The following CDH18 variants were observed in gnomAD, a reference collection of about 807,000 sequenced individuals.
The protein encoded by CDH18 is cadherin-18.
In CDH18, 31 loss-of-function variants were observed where a neutral mutation model predicts 67.9. The observed-to-expected ratio is 0.46, with a 90% CI of 0.34 to 0.62. The LOEUF is 0.62. CDH18 is among the 20% of genes least tolerant of loss of function. The pLI is 0.01. For synonymous variants in CDH18, 362 were observed against 347.2 expected (o/e 1.04, Z -0.48); for missense variants, 890 against 975.5 (o/e 0.91, Z 1.17).
intron 2 of CDH18, among the ~76,000 whole-genome samples, chr5:20,023,603 T>A (rs1738622756): frequency 6.9e-6 from 1 of 145,940 alleles, no homozygotes. Flanking sequence ...AGTTTGTAGT[T>A]AGCCGAGATC....
At chr5:19,474,180 C>T (rs907913762) in intron 12 of CDH18, among the ~76,000 whole-genome samples, 5 of 151,552 alleles carry the variant, frequency 3.3e-5, no homozygotes, top group Admixed American at 6.6e-5. Flanking sequence ...GGAGCCTTAA[C>T]GTTAAACCCT....
intron 11 of CDH18, among the ~76,000 whole-genome samples, chr5:19,488,267 A>C (rs1740720906): frequency 6.6e-6 from 1 of 152,212 alleles, no homozygotes; most frequent in Non-Finnish European, 1.5e-5. Flanking sequence ...AGAAAATATT[A>C]AAAAGTATGT....
At chr5:20,239,048 A>G (rs1412950126) in intron 2 of CDH18, among the ~76,000 whole-genome samples, 1 of 152,212 alleles carries the variant, frequency 6.6e-6, no homozygotes, top group African/African-American at 2.4e-5. Flanking sequence ...ATTTGGCAAT[A>G]AAAAGAATGA....
intron 11 of CDH18, among the ~76,000 whole-genome samples, chr5:19,484,569 T>C (rs1482625230): frequency 6.6e-6 from 1 of 150,710 alleles, no homozygotes; most frequent in East Asian, 1.9e-4. Flanking sequence ...GCCGTAGCTA[T>C]AGATTGCCAC....
At chr5:20,368,674 A>T (rs1742719352) in intron 1 of CDH18, among the ~76,000 whole-genome samples, 1 of 152,132 alleles carries the variant, frequency 6.6e-6, no homozygotes, top group Non-Finnish European at 1.5e-5. Context: ...TTAGCTTTCA[A>T]ATCTGAACAT....
chr5:20,262,512 T>C (rs1744730536), intron 1 of CDH18, among the ~76,000 whole-genome samples: 1 of 152,178 alleles, frequency 6.6e-6, no homozygotes, highest in African/African-American at 2.4e-5. Context: ...GAGTGTGGGA[T>C]CAAAAATTAA....
chr5:20,001,618 G>A (rs1419303416), intron 2 of CDH18, among the ~76,000 whole-genome samples: 2 of 152,018 alleles, frequency 1.3e-5, no homozygotes, highest in Non-Finnish European at 2.9e-5. Context: ...AGATAAAATG[G>A]GATTTCATTT....
intron 1 of CDH18, among the ~76,000 whole-genome samples, chr5:20,268,902 C>T (rs372109855): frequency 1.3e-4 from 20 of 152,134 alleles, no homozygotes; most frequent in East Asian, 5.8e-4. Flanking sequence ...AATGCTTCTG[C>T]GCAACAAAAT....
chr5:20,145,760 A>T lies in CDH18; in HGVS notation c.-518+109684T>A, dbSNP rs966948023. ...TATGTTGACCACTCATTAATTTTTA[A>T]ACTGAGTTCCATATATTTACTCTTG... On this transcript the variant is annotated intron_variant, in intron 2 of 14. Coordinates refer to the CDH18 transcript ENST00000507958. Among the ~76,000 whole-genome samples, 4 of 152,274 alleles carry T rather than the reference A, an allele frequency of 2.6e-5. No homozygotes were observed. The South Asian group carries it at 8.3e-4, about 32-fold the overall frequency.
In CDH18 at chr5:19,972,236, T is replaced by A. The variant is rs148279913; in HGVS notation, c.-257+8824A>T. The stretch of plus-strand genomic sequence containing the variant: ...ATCCTCACAAGTTGCAAAGCAAAAT[T>A]TGTTTCCTTAGCATCTTGAAATAAA... On this transcript the variant is annotated intron_variant, in intron 2 of 12. Coordinates refer to ENST00000382275, the MANE Select transcript of CDH18 (RefSeq NM_004934.5). 5.5e-3 allele frequency among the ~76,000 whole-genome samples: 830 copies of A among 152,210 alleles called. 7 individuals carry two copies. The highest frequency in any genetic ancestry group is 0.019 in the African/African-American group (788 of 41,578).
chr5:20,297,313 A>C (rs1250151143), intron 1 of CDH18, among the ~76,000 whole-genome samples: 1 of 152,238 alleles, frequency 6.6e-6, no homozygotes, highest in African/African-American at 2.4e-5. Context: ...CACTTAAGAA[A>C]AGGAAATTGA....
intron 10 of CDH18, among the ~76,000 whole-genome samples, chr5:19,514,088 C>T (rs1483809993): frequency 6.6e-6 from 1 of 152,152 alleles, no homozygotes; most frequent in Non-Finnish European, 1.5e-5. Flanking sequence ...TGAGTGAGAA[C>T]ATGCAGTATT....
intron 2 of CDH18, among the ~76,000 whole-genome samples, chr5:20,102,194 AT>A (rs1746527675): frequency 6.6e-6 from 1 of 150,596 alleles, no homozygotes; most frequent in South Asian, 2.1e-4. Context: ...AACTGCTGAG[AT>A]TGTATTCAGT....
chr5:20,138,053 C>A (rs1186253322), intron 2 of CDH18, among the ~76,000 whole-genome samples: 2 of 151,728 alleles, frequency 1.3e-5, no homozygotes, highest in Non-Finnish European at 2.9e-5. Flanking sequence ...AACATTGATG[C>A]AAAAATCCTC....
intron 8 of CDH18, among the ~76,000 whole-genome samples, chr5:19,558,576 C>A (rs775275431): frequency 1.2e-4 from 18 of 150,976 alleles, no homozygotes; most frequent in African/African-American, 1.7e-4. Context: ...AATATACAAC[C>A]CTCCTAGATT....
At chr5:20,158,413 C>A (rs935139073) in intron 2 of CDH18, among the ~76,000 whole-genome samples, 4 of 151,980 alleles carry the variant, frequency 2.6e-5, no homozygotes, top group Non-Finnish European at 5.9e-5. Flanking sequence ...TTTTGGAAAC[C>A]TTATATGTAA....
At chr5:20,491,628 C>A (rs948830367) in intron 1 of CDH18, among the ~76,000 whole-genome samples, 22 of 152,136 alleles carry the variant, frequency 1.4e-4, no homozygotes, top group African/African-American at 5.1e-4. Context: ...AGAGCATCAG[C>A]GGCAGAATTT....
At chr5:20,254,264 C>T (rs974531656) in intron 2 of CDH18, among the ~76,000 whole-genome samples, 1 of 152,096 alleles carries the variant, frequency 6.6e-6, no homozygotes, top group African/African-American at 2.4e-5. Flanking sequence ...AGGCACGTGC[C>T]ACCACACCTA....
chr5:20,174,104 AAGAAG>A (rs1275666401), intron 2 of CDH18, among the ~76,000 whole-genome samples: 8 of 152,216 alleles, frequency 5.3e-5, no homozygotes, highest in Admixed American at 4.6e-4. Flanking sequence ...AAACATATGC[AAGAAG>A]AGAAAAGAAT....
Sources: allele counts gnomAD v4.1 joint callset (sites outside exome capture counted in the v4.1 genomes callset), GRCh38; gene constraint gnomAD v4.1.1; transcripts MANE v1.5; gene names NCBI Gene and HGNC (gene_info 2026-07-23, HGNC 2026-07-21).